The following ARB2A variants were observed in gnomAD, a reference collection of about 807,000 sequenced individuals.
ARB2A encodes cotranscriptional regulator ARB2A.
the ARB2A span, among the ~76,000 whole-genome samples, chr5:93,899,661 CAGTT>C: frequency 6.6e-6 from 1 of 152,088 alleles, no homozygotes; most frequent in Admixed American, 6.5e-5. Flanking sequence ...TGTTCTTTAA[CAGTT>C]AGACTGTAAG....
At chr5:93,934,725 C>T in the ARB2A span, among the ~76,000 whole-genome samples, 1 of 152,190 alleles carries the variant, frequency 6.6e-6, no homozygotes, top group East Asian at 1.9e-4. Flanking sequence ...CCTGCAGCCA[C>T]TTTGTAACCA....
At chr5:93,702,583 C>G in the ARB2A span, among the ~76,000 whole-genome samples, 14 of 152,170 alleles carry the variant, frequency 9.2e-5, no homozygotes, top group Middle Eastern at 3.4e-3. Context: ...AGAAAAGTAT[C>G]TGACATACAG....
At chr5:93,657,983 C>T in the ARB2A span, among the ~76,000 whole-genome samples, 1 of 152,060 alleles carries the variant, frequency 6.6e-6, no homozygotes, top group Admixed American at 6.6e-5. Context: ...ATTTTTGATA[C>T]TTTTTTTGTA....
At chr5:93,634,439 G>A in the ARB2A span, among the ~76,000 whole-genome samples, 1 of 151,732 alleles carries the variant, frequency 6.6e-6, no homozygotes, top group Non-Finnish European at 1.5e-5. Context: ...AAAACCACAG[G>A]AGAAAAAAAG....
At chr5:93,809,144 T>C in the ARB2A span, among the ~76,000 whole-genome samples, 1 of 152,052 alleles carries the variant, frequency 6.6e-6, no homozygotes, top group Non-Finnish European at 1.5e-5. Flanking sequence ...ACATAAAATA[T>C]GAAAATCAGT....
the ARB2A span, among the ~76,000 whole-genome samples, chr5:93,981,549 A>G: frequency 6.6e-6 from 1 of 152,078 alleles, no homozygotes; most frequent in African/African-American, 2.4e-5. Flanking sequence ...ACTCTAAAAG[A>G]GAACCCTGAA....
At chr5:94,091,902 A>G in the ARB2A span, among the ~76,000 whole-genome samples, 1 of 152,140 alleles carries the variant, frequency 6.6e-6, no homozygotes, top group Non-Finnish European at 1.5e-5. Flanking sequence ...TATGACTCCA[A>G]TGATCCAAGA....
At chr5:93,638,844 A>G in the ARB2A span, among the ~76,000 whole-genome samples, 5 of 152,002 alleles carry the variant, frequency 3.3e-5, no homozygotes, top group African/African-American at 9.7e-5. Flanking sequence ...AAAAAAATGC[A>G]TTTGATTTTT....
chr5:93,791,431 G>A, the ARB2A span, among the ~76,000 whole-genome samples: 3 of 152,252 alleles, frequency 2.0e-5, no homozygotes, highest in East Asian at 5.8e-4. Flanking sequence ...TACCCCAAAC[G>A]TATAAACTGT....
the ARB2A span, among the ~76,000 whole-genome samples, chr5:93,766,551 G>A: frequency 3.3e-5 from 5 of 152,176 alleles, no homozygotes; most frequent in African/African-American, 1.2e-4. Context: ...AGGTGCTGGA[G>A]AGGATGTGGA....
At chr5:93,927,101 A>C in the ARB2A span, among the ~76,000 whole-genome samples, 1 of 152,168 alleles carries the variant, frequency 6.6e-6, no homozygotes, top group Non-Finnish European at 1.5e-5. Context: ...AAGTGTTGGC[A>C]GCAAGTAAAT....
the ARB2A span, among the ~76,000 whole-genome samples, chr5:94,004,998 C>CA: frequency 0.058 from 733 of 12,530 alleles, 134 homozygotes; most frequent in African/African-American, 0.091. Flanking sequence ...ATTTTATCAG[C>CA]AAAAAAAAAA....
the ARB2A span, among the ~76,000 whole-genome samples, chr5:93,838,040 T>C: frequency 6.6e-6 from 1 of 152,228 alleles, no homozygotes; most frequent in Admixed American, 6.5e-5. Flanking sequence ...TTTGCTTTTG[T>C]TGCGATTGCT....
At chr5:93,661,597 A>C in the ARB2A span, among the ~76,000 whole-genome samples, 1 of 152,106 alleles carries the variant, frequency 6.6e-6, no homozygotes, top group African/African-American at 2.4e-5. Flanking sequence ...ACACTGGAAG[A>C]AGAAAAATTG....
the ARB2A span, among the ~76,000 whole-genome samples, chr5:93,905,709 C>T: frequency 4.6e-5 from 7 of 151,460 alleles, no homozygotes; most frequent in East Asian, 1.9e-4. Context: ...TTATTTAAAC[C>T]TCAATCTCTT....
chr5:93,827,917 C>T, the ARB2A span, among the ~76,000 whole-genome samples: 1 of 152,084 alleles, frequency 6.6e-6, no homozygotes, highest in African/African-American at 2.4e-5. Context: ...AGGCATGCGG[C>T]GTTATTTCTG....
the ARB2A span, among the ~76,000 whole-genome samples, chr5:93,857,285 G>A: frequency 1.0e-2 from 1,518 of 152,230 alleles, 25 homozygotes; most frequent in African/African-American, 0.035. Context: ...CTCAAGTTGC[G>A]TGCTGGGAGA....
chr5:93,838,359 T>A, the ARB2A span, among the ~76,000 whole-genome samples: 1 of 152,174 alleles, frequency 6.6e-6, no homozygotes, highest in Non-Finnish European at 1.5e-5. Context: ...TTGGTATATG[T>A]ATCTGTTTTT....
chr5:93,871,537 T>C, the ARB2A span, among the ~76,000 whole-genome samples: 1 of 152,190 alleles, frequency 6.6e-6, no homozygotes, highest in Non-Finnish European at 1.5e-5. Context: ...TGCATATCTG[T>C]TTGAGGCCGA....
Sources: allele counts gnomAD v4.1 joint callset (sites outside exome capture counted in the v4.1 genomes callset), GRCh38; gene constraint gnomAD v4.1.1; transcripts MANE v1.5; gene names NCBI Gene and HGNC (gene_info 2026-07-23, HGNC 2026-07-21).